BCL2L11: variants seen among roughly 807,000 people sequenced by gnomAD.
BCL2L11 encodes BCL2 like 11.
In BCL2L11, 15 loss-of-function variants were observed where a neutral mutation model predicts 20.6. That is an observed-to-expected ratio of 0.73 (90% CI 0.49 to 1.12). The LOEUF is 1.12. BCL2L11 is among the 50% of genes most tolerant of loss of function. The pLI, the probability that BCL2L11 is intolerant of heterozygous loss-of-function variation, is 0.00. For synonymous variants in BCL2L11, 108 were observed against 92.8 expected (o/e 1.16, Z -0.94); for missense variants, 292 against 260.9 (o/e 1.12, Z -0.82).
intron 2 of BCL2L11, among the ~76,000 whole-genome samples, chr2:111,136,409 C>T (rs1047380174): frequency 1.3e-5 from 2 of 152,164 alleles, no homozygotes; most frequent in Non-Finnish European, 2.9e-5. Context: ...GGTTCTGTCT[C>T]GGGTTTTCAG....
chr2:111,151,950 C>A, intron 3 of BCL2L11: 1 of 1,382,650 alleles, frequency 7.2e-7, no homozygotes, highest in Non-Finnish European at 1.0e-6. Flanking sequence ...TAACCATTCC[C>A]TCCAGTTCCT....
At chr2:111,128,290 T>C (rs1190599873) in intron 2 of BCL2L11, among the ~76,000 whole-genome samples, 1 of 152,176 alleles carries the variant, frequency 6.6e-6, no homozygotes, top group East Asian at 1.9e-4. Context: ...TTTTTAAGGC[T>C]GAAGGTTGTT....
chr2:111,123,895 T>C lies in BCL2L11; in HGVS notation c.150T>C (p.Gly50=). The C allele has an allele frequency of 6.2e-7, 1 of 1,610,976 alleles. No homozygotes were observed. The highest frequency in any genetic ancestry group is 8.5e-7 in the Non-Finnish European group (1 of 1,178,574). Residue 50 remains glycine (G), a synonymous_variant, in exon 2 of 4, where the codon GGT becomes GGC. Transcript: ENST00000393256. The stretch of plus-strand genomic sequence containing the variant: ...GTAATCCTGAAGGCAATCACGGAGG[T>C]GAAGGGGACAGCTGCCCCCACGGCA... ...PQGNPEGNHG[G]EGDSCPHGSP...
intron 2 of BCL2L11, among the ~76,000 whole-genome samples, chr2:111,148,814 A>T (rs2076891773): frequency 6.6e-6 from 1 of 152,236 alleles, no homozygotes; most frequent in African/African-American, 2.4e-5. Flanking sequence ...TCACTTGGGT[A>T]TAAGATGAGG....
At chr2:111,159,856 T>C (rs894979953) in intron 3 of BCL2L11, among the ~76,000 whole-genome samples, 7 of 152,310 alleles carry the variant, frequency 4.6e-5, no homozygotes, top group Admixed American at 3.3e-4. Flanking sequence ...TCTGGTGTCA[T>C]GGGGACATGT....
At chr2:111,149,364 C>G (rs1474151204) in intron 2 of BCL2L11, among the ~76,000 whole-genome samples, 1 of 152,166 alleles carries the variant, frequency 6.6e-6, no homozygotes, top group Non-Finnish European at 1.5e-5. Flanking sequence ...TGCCTTTGCT[C>G]TTAGACCCAA....
chr2:111,133,292 C>T (rs1008235125), intron 2 of BCL2L11, among the ~76,000 whole-genome samples: 1 of 152,214 alleles, frequency 6.6e-6, no homozygotes, highest in Admixed American at 6.5e-5. Context: ...ACAAACCAAG[C>T]AGCCATGTCT....
chr2:111,123,063 C>G (rs1559005204), intron 1 of BCL2L11: 1 of 974,840 alleles, frequency 1.0e-6, no homozygotes, highest in Non-Finnish European at 1.2e-6. Context: ...CGCCCCCTCC[C>G]CATTTAGAGA....
rs1553483233 is a variant in BCL2L11 at position 111,120,979 on chromosome 2, T to TGCCGCCGCCGCCGCTGCCGCTGCC, written c.-209_-208insTGCCGCTGCCGCCGCCGCCGCCGC. ...GCTCTGCGTCCAGCGCCGCTGCCGCTGCCGCCGCCGCCGCCGCCGCCGCCG... is the reference window on the plus strand; with the variant it reads ...GCTCTGCGTCCAGCGCCGCTGCCGCTGCCGCCGCCGCCGCTGCCGCTGCCGCCGCCGCCGCCGCCGCCGCCGCCG... On this transcript the variant is annotated 5_prime_UTR_variant, in exon 1 of 4. Coordinates refer to ENST00000393256, the MANE Select transcript of BCL2L11 (RefSeq NM_138621.5). The TGCCGCCGCCGCCGCTGCCGCTGCC allele has an allele frequency of 3.3e-6, 1 of 305,242 alleles. No individual in the cohort carries two copies. 18.9% of individuals were successfully genotyped at this position (305,242 alleles called of 1,614,324 possible).
intron 3 of BCL2L11, among the ~76,000 whole-genome samples, chr2:111,151,400 T>G (rs912734417): frequency 6.6e-6 from 1 of 152,248 alleles, no homozygotes; most frequent in Non-Finnish European, 1.5e-5. Flanking sequence ...AATTCTTATT[T>G]TGTGGAAAAT....
At chr2:111,136,783 G>A (rs73954949) in intron 2 of BCL2L11, among the ~76,000 whole-genome samples, 3,792 of 152,256 alleles carry the variant, frequency 0.025, 152 homozygotes, top group African/African-American at 0.086. Context: ...AGGTTTCAGC[G>A]AGAGTTTTGG....
chr2:111,166,151 C>G lies in BCL2L11; in HGVS notation c.*1920C>G, dbSNP rs907403291. The G allele has an allele frequency of 6.5e-6, 1 of 152,684 alleles. No homozygotes were observed. The highest frequency in any genetic ancestry group is 1.5e-5 in the Non-Finnish European group (1 of 68,056). The allele number at this position is 152,684 out of a possible 1,614,324, so 9.5% of individuals were successfully genotyped here. ...TGCAGCCGTGGGCCTGCTGGACACA[C>G]ACATACACCAAAGATGTATTTGGAT... On this transcript the variant is annotated 3_prime_UTR_variant, in exon 4 of 4. Coordinates refer to ENST00000393256, the MANE Select transcript of BCL2L11 (RefSeq NM_138621.5).
chr2:111,122,212 C>T (rs1357407050), intron 1 of BCL2L11, among the ~76,000 whole-genome samples: 3 of 152,242 alleles, frequency 2.0e-5, no homozygotes, highest in Non-Finnish European at 2.9e-5. Context: ...GGGTCTGCCC[C>T]CGACGGGCCA....
chr2:111,147,685 T>C (rs2076742890), intron 2 of BCL2L11, among the ~76,000 whole-genome samples: 1 of 152,182 alleles, frequency 6.6e-6, no homozygotes, highest in South Asian at 2.1e-4. Context: ...GTATTTGCAA[T>C]TGCCAGCCCA....
In BCL2L11 at chr2:111,133,702, A is replaced by G. The variant is rs576781575; in HGVS notation, c.394+9563A>G. On this transcript the variant is annotated intron_variant, in intron 2 of 3. Transcript: ENST00000393256. ...TTGAAAACATCTGTATTCTGCTGCT[A>G]TTGGGTAGAGTGTTCGTTATATATA... Among the ~76,000 whole-genome samples the G allele has an allele frequency of 2.0e-4, 31 of 152,256 alleles. No individual in the cohort carries two copies. In the East Asian group the frequency reaches 3.1e-3, roughly 15 times the overall value.
chr2:111,145,191 A>G (rs1251448892), intron 2 of BCL2L11, among the ~76,000 whole-genome samples: 1 of 152,210 alleles, frequency 6.6e-6, no homozygotes, highest in Non-Finnish European at 1.5e-5. Context: ...GATGGGAACT[A>G]AAACAGCAGC....
chr2:111,147,327 A>ATCTCTCTCTCTCTCTCTC lies in BCL2L11; in HGVS notation c.395-2714_395-2697dup, dbSNP rs367737247. On this transcript the variant is annotated intron_variant, in intron 2 of 3. Transcript: ENST00000393256. ...GACTTGAAAGAGTACAGCCTCCTGT[A>ATCTCTCTCTCTCTCTCTC]TCTCTCTCTCTCTCTCTCTCACACA... Among the ~76,000 whole-genome samples the ATCTCTCTCTCTCTCTCTC allele has an allele frequency of 1.5e-3, 190 of 125,848 alleles. 1 individual carries two copies. Among genetic ancestry groups the ATCTCTCTCTCTCTCTCTC allele is most frequent in the African/African-American group, 3.6e-3 (107 of 29,864 alleles). 82.6% of individuals were successfully genotyped at this position (125,848 alleles called of 152,430 possible). A position where few individuals can be genotyped will look rare whatever the true frequency, so the allele number is the denominator to read the frequency against.
chr2:111,159,728 C>T (rs1559086103), intron 3 of BCL2L11, among the ~76,000 whole-genome samples: 1 of 152,222 alleles, frequency 6.6e-6, no homozygotes. Context: ...CTGCCCTGCA[C>T]TTAATGTTCC....
chr2:111,147,341 C>G (rs1431262646), intron 2 of BCL2L11, among the ~76,000 whole-genome samples: 2 of 133,924 alleles, frequency 1.5e-5, no homozygotes, highest in Non-Finnish European at 3.2e-5. Flanking sequence ...CTCTCTCTCT[C>G]TCTCTCACAC....
Sources: gnomAD v4.1 joint callset for allele counts (sites outside exome capture counted in the v4.1 genomes callset) on GRCh38, gnomAD v4.1.1 for gene constraint, MANE v1.5 for transcripts, NCBI Gene and HGNC (gene_info 2026-07-23, HGNC 2026-07-21) for gene names.